WASL: variants seen among roughly 807,000 people sequenced by gnomAD.
The protein encoded by WASL is WASP like actin nucleation promoting factor.
A neutral mutation model predicts 55.5 loss-of-function variants in WASL; 20 were observed. That is an observed-to-expected ratio of 0.36 (90% CI 0.25 to 0.52). The LOEUF is 0.52. Among genes scored for constraint, WASL ranks in the 20% least tolerant of loss-of-function variants. The pLI is 0.92. For missense variants in WASL, 504 were observed against 622.5 expected, an observed-to-expected ratio of 0.81 and a Z score of 2.03; for synonymous variants, 249 against 217.6, an observed-to-expected ratio of 1.14 and a Z score of -1.27.
intron 2 of WASL, among the ~76,000 whole-genome samples, chr7:123,708,792 TAC>T (rs2116789773): frequency 1.4e-5 from 2 of 146,936 alleles, no homozygotes; most frequent in South Asian, 4.3e-4. Flanking sequence ...ATTAAAAAAA[TAC>T]AGAGTGTAAA....
At chr7:123,747,815 T>C (rs1317524125) in intron 1 of WASL, among the ~76,000 whole-genome samples, 1 of 152,048 alleles carries the variant, frequency 6.6e-6, no homozygotes, top group Non-Finnish European at 1.5e-5. Context: ...ACATTCCCCT[T>C]CCCACAGCAG....
chr7:123,727,353 T>TCTCACACACACACACACA, intron 1 of WASL, among the ~76,000 whole-genome samples: 1 of 147,818 alleles, frequency 6.8e-6, no homozygotes, highest in South Asian at 2.2e-4. Flanking sequence ...AAAATATGTG[T>TCTCACACACACACACACA]CACACACACA....
chr7:123,743,887 T>C (rs1386617796), intron 1 of WASL, among the ~76,000 whole-genome samples: 1 of 152,232 alleles, frequency 6.6e-6, no homozygotes, highest in Non-Finnish European at 1.5e-5. Flanking sequence ...TGTTGGACTT[T>C]TCTGAATCTC....
chr7:123,745,378 T>C (rs1410727115), intron 1 of WASL, among the ~76,000 whole-genome samples: 11 of 152,130 alleles, frequency 7.2e-5, no homozygotes, highest in Admixed American at 2.0e-4. Flanking sequence ...TGAGTCCCCA[T>C]TAAATAGTGC....
At chr7:123,694,972 T>C in intron 7 of WASL, 104 bp from the exon 8 acceptor site, 1 of 1,165,446 alleles carries the variant, frequency 8.6e-7, no homozygotes, top group Non-Finnish European at 1.2e-6. Flanking sequence ...CCTAAACTTT[T>C]AACATGCTTA....
chr7:123,733,623 G>A (rs1316180300), intron 1 of WASL, among the ~76,000 whole-genome samples: 6 of 151,960 alleles, frequency 3.9e-5, no homozygotes, highest in African/African-American at 1.2e-4. Flanking sequence ...ATCAAAAAAC[G>A]GAAAGATATG....
chr7:123,737,604 A>G (rs1450222345), intron 1 of WASL, among the ~76,000 whole-genome samples: 2 of 151,766 alleles, frequency 1.3e-5, no homozygotes, highest in Non-Finnish European at 2.9e-5. Flanking sequence ...CCCAAAAAAA[A>G]AAAAAAAAAA....
intron 1 of WASL, among the ~76,000 whole-genome samples, chr7:123,739,900 GTGTGTGTGTGTGTGTATA>G (rs777847786): frequency 2.6e-3 from 147 of 57,258 alleles, no homozygotes; most frequent in Non-Finnish European, 3.0e-3. Flanking sequence ...GTGTGTGTGT[GTGTGTGTGTGTGTGTATA>G]TATATATATA....
At chr7:123,712,281 A>G (rs1245191838) in intron 1 of WASL, among the ~76,000 whole-genome samples, 3 of 152,150 alleles carry the variant, frequency 2.0e-5, no homozygotes, top group Non-Finnish European at 4.4e-5. Context: ...AAAAGACTGC[A>G]ATTCCCATAA....
At chr7:123,748,595 C>T in intron 1 of WASL, 23 bp downstream of exon 1, 1 of 1,610,406 alleles carries the variant, frequency 6.2e-7, no homozygotes, top group African/African-American at 1.3e-5. Context: ...TCACGGGTGG[C>T]GACGCGGGTC....
intron 3 of WASL, 44 bp from the exon 4 acceptor site, chr7:123,706,417 A>T: frequency 1.3e-6 from 2 of 1,536,630 alleles, no homozygotes; most frequent in Non-Finnish European, 9.0e-7. Context: ...GAATGTATGA[A>T]TTTAGCTTTA....
intron 5 of WASL, among the ~76,000 whole-genome samples, chr7:123,700,708 G>T (rs1803574847): frequency 1.3e-5 from 2 of 152,182 alleles, no homozygotes; most frequent in Non-Finnish European, 2.9e-5. Context: ...AAAGTGTTGG[G>T]ATTACAGGCG....
At chr7:123,693,504 T>C (rs968094782) in intron 8 of WASL, among the ~76,000 whole-genome samples, 1 of 152,236 alleles carries the variant, frequency 6.6e-6, no homozygotes, top group African/African-American at 2.4e-5. Flanking sequence ...GGTTGCTTTG[T>C]TGAAATGCTC....
chr7:123,735,448 T>C (rs1402386059), intron 1 of WASL, among the ~76,000 whole-genome samples: 1 of 150,896 alleles, frequency 6.6e-6, no homozygotes, highest in African/African-American at 2.4e-5. Flanking sequence ...ACTCAGATGA[T>C]AGGAGACAGG....
In WASL at chr7:123,692,535, G is replaced by A. The variant is rs746219155; in HGVS notation, c.1159C>T (p.Pro387Ser). 3.1e-6 allele frequency: 5 copies of A among 1,614,134 alleles called. No individual in the cohort carries two copies. Among genetic ancestry groups the A allele is most frequent in the Admixed American group, 1.7e-5 (1 of 60,030 alleles). ...CCATCAGAAGGCAGGCCAGGCGGGG[G>A]CGGTGGCCCAGGAGGAGGTGGAGGT... Reference protein sequence around the residue: ...PPPPPPPGPPPPPGLPSDGDH... With the variant: ...PPPPPPPGPPSPPGLPSDGDH... Residue 387 changes from proline to serine, a missense_variant, in exon 9 of 11, where the codon CCC (proline) becomes TCC (serine). Around this residue, in one of 5 missense-constraint regions of WASL, gnomAD observed 201 missense variants for 206.2 expected, o/e 0.97. Coordinates refer to ENST00000223023, the MANE Select transcript of WASL (RefSeq NM_003941.4).
In WASL at chr7:123,734,086, CAAT is replaced by C. The variant is rs200263104; in HGVS notation, c.117+14529_117+14531del. Among the ~76,000 whole-genome samples the C allele has an allele frequency of 6.2e-4, 94 of 152,008 alleles. No individual in the cohort carries two copies. The East Asian group carries it at 0.016, about 26-fold the overall frequency. On this transcript the variant is annotated intron_variant, in intron 1 of 10. Coordinates refer to ENST00000223023, the MANE Select transcript of WASL (RefSeq NM_003941.4). ...GGGGTCGGTGATGACTTTTTAGATA[CAAT>C]ACCAAAAACATGATCAATCCATGAA...
intron 8 of WASL, among the ~76,000 whole-genome samples, chr7:123,693,234 T>G (rs1554403855): frequency 6.6e-6 from 1 of 152,238 alleles, no homozygotes; most frequent in Non-Finnish European, 1.5e-5. Context: ...GTTTACATTT[T>G]AATAAAAATA....
rs555372327 is a variant in WASL, at chr7:123,748,882, G to A, written c.-148C>T. ...CCTCCGGAGCGGGGAGGAGGACGAG[G>A]TCGAGGGAAGCAGGCGCTGACGGCG... On this transcript the variant is annotated 5_prime_UTR_variant, in exon 1 of 11. Transcript: ENST00000223023. 27 of 657,422 alleles carry A rather than the reference G, an allele frequency of 4.1e-5. No homozygotes were observed. The African/African-American group carries it at 4.2e-4, about 10-fold the overall frequency. The allele number at this position is 657,422 out of a possible 1,614,324, so 40.7% of individuals were successfully genotyped here. A position where few individuals can be genotyped will look rare whatever the true frequency, so the allele number is the denominator to read the frequency against.
In WASL at chr7:123,683,743, A is replaced by G. The variant is rs1397219623; in HGVS notation, c.*776T>C. ...CTAAATCCCTGAAACTCCAACTTAA[A>G]TTTTGTTTCAGAGTAATACCAAAAA... On this transcript the variant is annotated 3_prime_UTR_variant, in exon 11 of 11. Transcript: ENST00000223023. 1 of 151,972 alleles carries G rather than the reference A, an allele frequency of 6.6e-6. No individual in the cohort carries two copies. Among genetic ancestry groups the G allele is most frequent in the African/African-American group, 2.4e-5 (1 of 41,418 alleles). The allele number at this position is 151,972 out of a possible 1,614,324, so 9.4% of individuals were successfully genotyped here.
Sources: gnomAD v4.1 joint callset for allele counts (sites outside exome capture counted in the v4.1 genomes callset) on GRCh38, gnomAD v4.1.1 for gene constraint, gnomAD v4.1.1 regional missense constraint, MANE v1.5 for transcripts, NCBI Gene and HGNC (gene_info 2026-07-23, HGNC 2026-07-21) for gene names.